The following ANKIB1 variants were observed in gnomAD, a reference collection of about 807,000 sequenced individuals.
The protein encoded by ANKIB1 is ankyrin repeat and IBR domain containing 1, also known as ankyrin repeat and IBR domain-containing protein 1.
A neutral mutation model predicts 122.1 loss-of-function variants in ANKIB1; 43 were observed. That is an observed-to-expected ratio of 0.35 (90% CI 0.28 to 0.45). The LOEUF (loss-of-function observed/expected upper bound fraction) is 0.45, where lower values mean the gene tolerates loss of function less well. Ranked by LOEUF, ANKIB1 falls within the 20% of genes least tolerant of loss-of-function variation. ANKIB1 has a pLI of 1.00. For missense variants in ANKIB1, 992 were observed against 1,329.5 expected (o/e 0.75, Z 3.95); for synonymous variants, 390 against 442.0 (o/e 0.88, Z 1.48).
rs973881268 is a variant in ANKIB1 at position 92,310,169 on chromosome 7, T to C, written c.486+2513T>C. ...CTATCTGGCAGGCCTGACAATTTGC[T>C]TGATACGTATGTGTGAGCATGTAAA... On this transcript the variant is annotated intron_variant, in intron 3 of 19. Transcript: ENST00000265742. Among the ~76,000 whole-genome samples, 5 of 151,994 alleles carry C rather than the reference T, an allele frequency of 3.3e-5. No homozygotes were observed. The East Asian group carries it at 7.8e-4, about 24-fold the overall frequency.
intron 5 of ANKIB1, among the ~76,000 whole-genome samples, chr7:92,336,493 A>G (rs1489768272): frequency 6.6e-6 from 1 of 152,078 alleles, no homozygotes; most frequent in East Asian, 1.9e-4. Context: ...ATTTTCTGAC[A>G]TTTTCCAGTT....
rs34091044 is a variant in ANKIB1, at chr7:92,298,768, TA to T, written c.188+3622del. Among the ~76,000 whole-genome samples, 256 of 117,574 alleles carry T rather than the reference TA, an allele frequency of 2.2e-3. 1 individual carries two copies. The highest frequency in any genetic ancestry group is 0.016 in the South Asian group (58 of 3,604). The allele number at this position is 117,574 out of a possible 152,430, so 77.1% of individuals were successfully genotyped here. On this transcript the variant is annotated intron_variant, in intron 2 of 19. Transcript: ENST00000265742. ...TTCATCACTGTTAGGCACTTGCAGT[TA>T]AAAAAAAAAAAAAAAAAAAGCAGTT... is the stretch of plus-strand genomic sequence containing the variant.
In ANKIB1 at chr7:92,387,890, TC is replaced by T; in HGVS notation, c.1839+9del. ...ACCATGAGCATAGTTATCAGGTATG[TC>T]CCAAATCATTTCAAATGAGCTGACC... On this transcript the variant is annotated splice_region_variant and intron_variant, in intron 13 of 19. Transcript: ENST00000265742. 2 of 1,611,436 alleles carry T rather than the reference TC, an allele frequency of 1.2e-6. No individual in the cohort carries two copies. The highest frequency in any genetic ancestry group is 2.2e-5 in the South Asian group (2 of 90,802).
chr7:92,249,257 C>A (rs540071535), intron 1 of ANKIB1, among the ~76,000 whole-genome samples: 2 of 152,264 alleles, frequency 1.3e-5, no homozygotes, highest in South Asian at 2.1e-4. Flanking sequence ...GTGCCAAGCA[C>A]TTTTATTAGG....
At chr7:92,248,067 T>A (rs183561908) in intron 1 of ANKIB1, among the ~76,000 whole-genome samples, 195 of 152,304 alleles carry the variant, frequency 1.3e-3, no homozygotes, top group African/African-American at 4.4e-3. Flanking sequence ...AGGGTGTGGC[T>A]TTTGCTTTCT....
intron 1 of ANKIB1, among the ~76,000 whole-genome samples, chr7:92,291,472 AAAAG>A (rs1343063814): frequency 1.3e-5 from 2 of 152,196 alleles, no homozygotes; most frequent in Non-Finnish European, 2.9e-5. Context: ...AAAATTTTAA[AAAAG>A]AAAGAGTTAT....
At position 92,309,938 on chromosome 7, in the gene ANKIB1, A is replaced by T. The variant is rs1168033102; in HGVS notation, c.486+2282A>T. Among the ~76,000 whole-genome samples, 535 of 112,468 alleles carry T rather than the reference A, an allele frequency of 4.8e-3. 8 individuals carry two copies. The highest frequency in any genetic ancestry group is 0.023 in the East Asian group (60 of 2,614). The allele number at this position is 112,468 out of a possible 152,430, so 73.8% of individuals were successfully genotyped here. A position where few individuals can be genotyped will look rare whatever the true frequency, so the allele number is the denominator to read the frequency against. ...AGACTCCATCTAAAAAAAAAAAAAA[A>T]AAAAATATATATATATATATATATA... On this transcript the variant is annotated intron_variant, in intron 3 of 19. Coordinates refer to ENST00000265742, the MANE Select transcript of ANKIB1 (RefSeq NM_019004.2).
chr7:92,279,530 A>G (rs1801976446), intron 1 of ANKIB1, among the ~76,000 whole-genome samples: 2 of 152,276 alleles, frequency 1.3e-5, no homozygotes, highest in South Asian at 2.1e-4. Flanking sequence ...GATGTTTTTC[A>G]TAGTTTAGGG....
chr7:92,312,319 A>C (rs1226866564), intron 3 of ANKIB1, among the ~76,000 whole-genome samples: 1 of 152,222 alleles, frequency 6.6e-6, no homozygotes, highest in African/African-American at 2.4e-5. Context: ...ATTGTTTGAC[A>C]ATTAGAAATG....
rs1221768191 is a variant in ANKIB1 at position 92,390,036 on chromosome 7, C to T, written c.1972C>T (p.Arg658Cys). The T allele has an allele frequency of 1.2e-6, 2 of 1,606,924 alleles. No homozygotes were observed. The highest frequency in any genetic ancestry group is 8.5e-7 in the Non-Finnish European group (1 of 1,177,592). Residue 658 changes from arginine to cysteine, a missense_variant, in exon 15 of 20, where the codon CGC (arginine) becomes TGC (cysteine). By Grantham distance (180) the Arg-to-Cys change is radical (BLOSUM62 -3). Around this residue, in one of 4 missense-constraint regions of ANKIB1, gnomAD observed 521 missense variants for 777.7 expected, o/e 0.67. Transcript: ENST00000265742. The part of the protein sequence containing the change: ...DAVHVLLKTR[R>C]ILKCSYPYGF... ...AGTTCATGTGCTCTTAAAAACTCGG[C>T]GCATTCTCAAGTGTTCTTATCCATA... is the stretch of plus-strand genomic sequence containing the variant.
intron 6 of ANKIB1, 60 bp downstream of exon 6, chr7:92,343,292 A>C: frequency 7.1e-7 from 1 of 1,416,834 alleles, no homozygotes; most frequent in Non-Finnish European, 9.8e-7. Context: ...TAACATTCAA[A>C]TGATTTAATA....
chr7:92,300,073 G>A (rs188685317), intron 2 of ANKIB1, among the ~76,000 whole-genome samples: 2 of 152,226 alleles, frequency 1.3e-5, no homozygotes, highest in African/African-American at 4.8e-5. Context: ...CTCCCAAAGT[G>A]TGGGGACTTA....
intron 3 of ANKIB1, among the ~76,000 whole-genome samples, chr7:92,308,390 A>G (rs1802611950): frequency 6.6e-6 from 1 of 152,134 alleles, no homozygotes. Flanking sequence ...ACCAATTTAT[A>G]AAATTTATAC....
intron 1 of ANKIB1, among the ~76,000 whole-genome samples, chr7:92,283,152 G>A (rs1802044965): frequency 1.3e-5 from 2 of 152,006 alleles, no homozygotes; most frequent in Non-Finnish European, 1.5e-5. Flanking sequence ...CAGCCAAACT[G>A]CCATAGATAT....
intron 1 of ANKIB1, among the ~76,000 whole-genome samples, chr7:92,249,350 T>A (rs961521861): frequency 3.9e-5 from 6 of 152,172 alleles, no homozygotes; most frequent in African/African-American, 1.4e-4. Flanking sequence ...TGATTTCTAT[T>A]CACCTGCCTT....
rs1449257158 is a variant in ANKIB1, at chr7:92,381,048, AGAG to A, written c.1618-5460_1618-5458del. Among the ~76,000 whole-genome samples, 3 of 152,332 alleles carry A rather than the reference AGAG, an allele frequency of 2.0e-5. No homozygotes were observed. In the East Asian group the frequency reaches 5.8e-4, roughly 29 times the overall value. On this transcript the variant is annotated intron_variant, in intron 11 of 19. Transcript: ENST00000265742. ...AATGGCTAACTAGAATAAACAGTGT[AGAG>A]AAGACCTTAAATGACTTGATGGAGC... is the stretch of plus-strand genomic sequence containing the variant.
intron 2 of ANKIB1, among the ~76,000 whole-genome samples, chr7:92,302,661 T>G: frequency 6.6e-6 from 1 of 152,222 alleles, no homozygotes; most frequent in Non-Finnish European, 1.5e-5. Context: ...TAGAAAATAT[T>G]TATTAGAGCC....
At chr7:92,387,052 G>A (rs1486723924) in intron 12 of ANKIB1, among the ~76,000 whole-genome samples, 1 of 151,790 alleles carries the variant, frequency 6.6e-6, no homozygotes, top group Admixed American at 6.6e-5. Flanking sequence ...CAAAGTCAAG[G>A]TGCTGGCCAA....
rs1013514999 is a variant in ANKIB1 at position 92,360,537 on chromosome 7, A to T, written c.1398-1648A>T. On this transcript the variant is annotated intron_variant, in intron 9 of 19. Coordinates refer to ENST00000265742, the MANE Select transcript of ANKIB1 (RefSeq NM_019004.2). The stretch of plus-strand genomic sequence containing the variant: ...TGTTTCCCCCTTTTAGCTGTTGTGA[A>T]TAATACTGTGAATGTTGGTGTACAA... Among the ~76,000 whole-genome samples the T allele has an allele frequency of 7.2e-5, 11 of 152,172 alleles. No individual in the cohort carries two copies. The East Asian group carries it at 7.7e-4, about 11-fold the overall frequency.
Sources: allele counts gnomAD v4.1 joint callset (sites outside exome capture counted in the v4.1 genomes callset), GRCh38; gene constraint gnomAD v4.1.1; regional missense constraint gnomAD v4.1.1; transcripts MANE v1.5; gene names NCBI Gene and HGNC (gene_info 2026-07-23, HGNC 2026-07-21).